The following COPA variants were observed in gnomAD, a reference collection of about 807,000 sequenced individuals.
COPA encodes coatomer subunit alpha.
A neutral mutation model predicts 158.7 loss-of-function variants in COPA; 10 were observed. That is an observed-to-expected ratio of 0.06 (90% CI 0.04 to 0.11). The LOEUF is 0.11. Ranked by LOEUF, COPA falls within the 10% of genes least tolerant of loss-of-function variation. COPA has a pLI of 1.00. For synonymous variants in COPA, 462 were observed against 542.8 expected, an observed-to-expected ratio of 0.85 and a Z score of 2.07; for missense variants, 1,065 against 1,536.7, an observed-to-expected ratio of 0.69 and a Z score of 5.13.
At position 160,325,534 on chromosome 1, in the gene COPA, G is replaced by C; in HGVS notation, c.606+9C>G. 1 of 1,609,734 alleles carries C rather than the reference G, an allele frequency of 6.2e-7. No homozygotes were observed. Among genetic ancestry groups the C allele is most frequent in the Non-Finnish European group, 8.5e-7 (1 of 1,175,980 alleles). On this transcript the variant is annotated intron_variant, in intron 7 of 32. Coordinates refer to ENST00000241704, the MANE Select transcript of COPA (RefSeq NM_004371.4). The stretch of plus-strand genomic sequence containing the variant: ...CCCATATTCAGCCCCTGGCTATAAA[G>C]ATAAGTACCTCTAGTACATGCTTCA...
chr1:160,311,138 G>A (rs1055302667), intron 11 of COPA, among the ~76,000 whole-genome samples: 2 of 152,056 alleles, frequency 1.3e-5, no homozygotes, highest in African/African-American at 4.8e-5. Flanking sequence ...GATCCAAAAT[G>A]TCATTTAAAA....
chr1:160,317,337 A>G (rs567528995), intron 8 of COPA: 122 of 1,455,456 alleles, frequency 8.4e-5, no homozygotes, highest in South Asian at 8.3e-4. Flanking sequence ...TAAACCCCGG[A>G]GTGAGGTTCT....
rs774696742 is a variant in COPA, at chr1:160,295,798, T to C, written c.2414A>G (p.Asp805Gly). Residue 805 changes from aspartate to glycine, a missense_variant, in exon 23 of 33, where the codon GAT becomes GGT. Transcript: ENST00000241704. ...TACAGTCAATAAAGGCCAATTGGTA[T>C]CCAATGGCATGATAGGTGCAGGTGG... ...LQPPAPIMPL[D>G]TNWPLLTVSK... 8.1e-6 allele frequency: 13 copies of C among 1,613,420 alleles called. No individual in the cohort carries two copies. Among genetic ancestry groups the C allele is most frequent in the Non-Finnish European group, 9.3e-6 (11 of 1,179,768 alleles).
chr1:160,333,790 A>G (rs1647642024), intron 4 of COPA, 111 bp from the exon 5 acceptor site: 1 of 722,794 alleles, frequency 1.4e-6, no homozygotes, highest in Non-Finnish European at 2.2e-6. Flanking sequence ...CAGCTACATT[A>G]GCAAAGGGGC....
chr1:160,298,521 A>T (rs1340477161), intron 19 of COPA, among the ~76,000 whole-genome samples: 5 of 152,234 alleles, frequency 3.3e-5, no homozygotes, highest in Non-Finnish European at 7.3e-5. Flanking sequence ...GTACTCTTTC[A>T]TCTAAGTAGC....
chr1:160,293,089 C>G (rs1440904929), intron 27 of COPA, 77 bp downstream of exon 27: 13 of 1,416,430 alleles, frequency 9.2e-6, no homozygotes, highest in Non-Finnish European at 1.3e-5. Flanking sequence ...GATAATTTCC[C>G]TTGATTAAAA....
Position 160,339,938 on chromosome 1 carries a change from C to T in COPA, c.199G>A (p.Val67Ile). The change falls in exon 3 of 33, where the codon GTC becomes ATC. Residue 67 changes from valine to isoleucine, a missense_variant. Coordinates refer to ENST00000241704, the MANE Select transcript of COPA (RefSeq NM_004371.4). ...ATCTTATAGTCATCTCCTCCAGAGA[C>T]GAACAGTGGCTGCTGCTTATGGAAG... ...IDFHKQQPLF[V>I]SGGDDYKIKV... 6.2e-7 allele frequency: 1 copy of T among 1,614,030 alleles called. No individual in the cohort carries two copies. The highest frequency in any genetic ancestry group is 8.5e-7 in the Non-Finnish European group (1 of 1,179,946).
In COPA at chr1:160,333,656, G is replaced by A; in HGVS notation, c.333C>T (p.Ala111=). 6 of 1,613,014 alleles carry A rather than the reference G, an allele frequency of 3.7e-6. No individual in the cohort carries two copies. Among genetic ancestry groups the A allele is most frequent in the Non-Finnish European group, 5.1e-6 (6 of 1,179,352 alleles). Residue 111 remains alanine (A), a synonymous_variant, in exon 5 of 33, where the codon GCC becomes GCT. Coordinates refer to ENST00000241704, the MANE Select transcript of COPA (RefSeq NM_004371.4). The stretch of plus-strand genomic sequence containing the variant: ...ACACTCGGATGGTCTGATCATCGGA[G>A]GCACTCAGAATCCAGGGATATTCCT... The part of the protein sequence containing the change: ...FHHEYPWILS[A]SDDQTIRVWN...
chr1:160,311,126 G>A (rs190994495), intron 11 of COPA, among the ~76,000 whole-genome samples: 3 of 152,156 alleles, frequency 2.0e-5, no homozygotes, highest in Non-Finnish European at 4.4e-5. Context: ...GACAGAATAC[G>A]AGATCCAAAA....
intron 7 of COPA, among the ~76,000 whole-genome samples, chr1:160,324,778 A>G (rs896122269): frequency 3.3e-5 from 5 of 151,984 alleles, no homozygotes; most frequent in Non-Finnish European, 7.4e-5. Flanking sequence ...ATAAACAAAA[A>G]CTCTTTGGGG....
In COPA at chr1:160,293,214, C is replaced by T. The variant is rs761577917; in HGVS notation, c.2775G>A (p.Gln925=). ...SPTQIWCNNS[Q]LPVDHILAGS... Reference sequence around the variant, plus strand: ...CTGCCAGGATGTGATCAACTGGAAGCTGAGAGTTATTACACCAGATCTAAC... The same window carrying T: ...CTGCCAGGATGTGATCAACTGGAAGTTGAGAGTTATTACACCAGATCTAAC... The change falls in exon 27 of 33, where the codon CAG becomes CAA. Residue 925 remains glutamine, a synonymous_variant. Transcript: ENST00000241704. 21 of 1,614,190 alleles carry T rather than the reference C, an allele frequency of 1.3e-5. No homozygotes were observed. The highest frequency in any genetic ancestry group is 1.0e-4 in the Admixed American group (6 of 60,014).
intron 3 of COPA, 198 bp downstream of exon 3, chr1:160,339,711 G>T: frequency 1.6e-5 from 8 of 499,074 alleles, no homozygotes; most frequent in South Asian, 9.4e-5. Flanking sequence ...ATTTATTTTT[G>T]AATTCCCTAA....
intron 8 of COPA, among the ~76,000 whole-genome samples, chr1:160,318,962 AAG>A (rs1038710096): frequency 1.4e-4 from 21 of 151,640 alleles, no homozygotes; most frequent in African/African-American, 4.2e-4. Context: ...TAAGAAAAGG[AAG>A]AGAGAAGCCT....
At chr1:160,296,596 C>T (rs1196076421) in intron 21 of COPA, among the ~76,000 whole-genome samples, 3 of 152,228 alleles carry the variant, frequency 2.0e-5, no homozygotes, top group African/African-American at 7.2e-5. Flanking sequence ...AACACTTTGA[C>T]TGTAGCCTCA....
rs1253636443 is a variant in COPA, at chr1:160,305,438, G to A, written c.1662C>T (p.Thr554=). The A allele has an allele frequency of 3.1e-6, 5 of 1,614,024 alleles. No homozygotes were observed. The highest frequency in any genetic ancestry group is 4.2e-6 in the Non-Finnish European group (5 of 1,179,934). The change falls in exon 17 of 33, where the codon ACC becomes ACT. Residue 554 remains threonine (T), a synonymous_variant. Coordinates refer to ENST00000241704, the MANE Select transcript of COPA (RefSeq NM_004371.4). The part of the protein sequence containing the change: ...TTSNHIKYAV[T]TGDHGIIRTL... ...ATCCCAGATAATTAACTTACCCAGT[G>A]GTGACAGCATATTTGATGTGGTTGC...
Position 160,289,088 on chromosome 1 carries a change from GCCTCCAGA to G in COPA, c.*1061_*1068del, listed in dbSNP as rs1658130985. 1.3e-5 allele frequency among the ~76,000 whole-genome samples: 2 copies of G among 151,184 alleles called. No individual in the cohort carries two copies. Among genetic ancestry groups the G allele is most frequent in the Non-Finnish European group, 2.9e-5 (2 of 67,916 alleles). On this transcript the variant is annotated 3_prime_UTR_variant, in exon 33 of 33. Transcript: ENST00000241704. ...CGGGTTCAAGCAATCCTCTGCCTCAGCCTCCAGAGTAGCTGGGATTACAGGCACCCACC... is the reference window on the plus strand; with the variant it reads ...CGGGTTCAAGCAATCCTCTGCCTCAGGTAGCTGGGATTACAGGCACCCACC...
At chr1:160,297,520 G>T in intron 20 of COPA, 36 bp downstream of exon 20, 1 of 1,612,522 alleles carries the variant, frequency 6.2e-7, no homozygotes, top group Non-Finnish European at 8.5e-7. Flanking sequence ...CTTCCCCCAA[G>T]AACCCCTCTT....
rs906358012 is a variant in COPA, at chr1:160,332,509, G to A, written c.435C>T (p.Pro145=). 19 of 1,613,544 alleles carry A rather than the reference G, an allele frequency of 1.2e-5. No individual in the cohort carries two copies. The African/African-American group carries it at 2.4e-4, about 20-fold the overall frequency. The change falls in exon 6 of 33, where the codon CCC becomes CCT. Residue 145 remains proline, a synonymous_variant. Coordinates refer to ENST00000241704, the MANE Select transcript of COPA (RefSeq NM_004371.4). ...TGGCTGATACTACCAAGTCTTCTGT[G>A]GGGTGGAACTGAGCACACATCACAT... ...NHYVMCAQFH[P]TEDLVVSASL... is the part of the protein sequence containing the mutation.
intron 8 of COPA, among the ~76,000 whole-genome samples, chr1:160,322,125 G>A (rs1659348930): frequency 6.6e-6 from 1 of 152,020 alleles, no homozygotes; most frequent in Admixed American, 6.5e-5. Flanking sequence ...AAATTTATAT[G>A]GCAGCACAAA....
Sources: gnomAD v4.1 joint callset for allele counts (sites outside exome capture counted in the v4.1 genomes callset) on GRCh38, gnomAD v4.1.1 for gene constraint, MANE v1.5 for transcripts, NCBI Gene and HGNC (gene_info 2026-07-23, HGNC 2026-07-21) for gene names.